Variants in PRELID2 observed in about 807,000 individuals in gnomAD.
The protein encoded by PRELID2 is PRELI domain-containing protein 2.
Under a neutral mutation model 28.4 loss-of-function variants are expected in PRELID2, and 25 were observed. The ratio of observed to expected loss-of-function variants is 0.88; its 90% CI spans 0.64 to 1.23. The LOEUF (loss-of-function observed/expected upper bound fraction) is 1.23, where lower values mean the gene tolerates loss of function less well. PRELID2 is among the 50% of genes most tolerant of loss of function. The pLI is 0.00. For synonymous variants in PRELID2, 76 were observed against 71.6 expected, an observed-to-expected ratio of 1.06 and a Z score of -0.31; for missense variants, 201 against 214.4, an observed-to-expected ratio of 0.94 and a Z score of 0.39.
At chr5:145,819,379 C>CT in intron 3 of PRELID2, 1 of 1,599,814 alleles carries the variant, frequency 6.3e-7, no homozygotes, top group Non-Finnish European at 8.6e-7. Flanking sequence ...TTCCACTCAC[C>CT]TTTTTCCAAC....
intron 1 of PRELID2, among the ~76,000 whole-genome samples, chr5:145,559,288 T>G (rs1215527346): frequency 2.7e-5 from 4 of 150,806 alleles, no homozygotes; most frequent in African/African-American, 9.7e-5. Context: ...TGGGAAATAC[T>G]GTAATAAATG....
At chr5:145,371,378 A>AT in the PRELID2 span, among the ~76,000 whole-genome samples, 1 of 151,412 alleles carries the variant, frequency 6.6e-6, no homozygotes, top group African/African-American at 2.4e-5. Flanking sequence ...TAATCATGTG[A>AT]TTTTGTCTTG....
the PRELID2 span, among the ~76,000 whole-genome samples, chr5:145,349,173 T>C: frequency 6.6e-6 from 1 of 152,188 alleles, no homozygotes; most frequent in Non-Finnish European, 1.5e-5. Context: ...TATGCTATTA[T>C]TGCCTATTTT....
chr5:145,744,259 A>G (rs961183972), intron 1 of PRELID2, among the ~76,000 whole-genome samples: 1 of 152,130 alleles, frequency 6.6e-6, no homozygotes, highest in Non-Finnish European at 1.5e-5. Context: ...AGACCAGCAG[A>G]CTTAGTCTTT....
intron 1 of PRELID2, among the ~76,000 whole-genome samples, chr5:145,524,000 T>A (rs936513727): frequency 6.6e-6 from 1 of 152,190 alleles, no homozygotes; most frequent in Admixed American, 6.5e-5. Flanking sequence ...CTAACGTCTT[T>A]AGAAATCTGT....
At chr5:145,708,490 ATTG>A (rs1294885042) in intron 1 of PRELID2, among the ~76,000 whole-genome samples, 1 of 143,144 alleles carries the variant, frequency 7.0e-6, no homozygotes, top group African/African-American at 2.8e-5. Context: ...ATCCAATTGT[ATTG>A]TTTTTTTCTT....
intron 1 of PRELID2, among the ~76,000 whole-genome samples, chr5:145,655,037 C>A (rs113579487): frequency 0.048 from 7,237 of 151,922 alleles, 582 homozygotes; most frequent in African/African-American, 0.16. Flanking sequence ...AGCTTATAGG[C>A]AACTTCAGCA....
the PRELID2 span, among the ~76,000 whole-genome samples, chr5:145,415,320 T>C: frequency 2.0e-5 from 3 of 152,028 alleles, no homozygotes; most frequent in African/African-American, 4.8e-5. Flanking sequence ...TTAGGGTACA[T>C]GTGCACAATG....
At chr5:145,525,316 G>A (rs1752597925) in intron 1 of PRELID2, among the ~76,000 whole-genome samples, 1 of 152,144 alleles carries the variant, frequency 6.6e-6, no homozygotes, top group Non-Finnish European at 1.5e-5. Context: ...GTAAATTGGG[G>A]TGAAAGAAAT....
chr5:145,785,365 T>C (rs577238236), intron 5 of PRELID2, among the ~76,000 whole-genome samples: 30 of 152,360 alleles, frequency 2.0e-4, no homozygotes, highest in Non-Finnish European at 3.2e-4. Flanking sequence ...ACAATCTTTC[T>C]AAAGGCACAG....
chr5:145,823,003 AC>A, intron 2 of PRELID2, 73 bp downstream of exon 2: 1 of 798,012 alleles, frequency 1.3e-6, no homozygotes, highest in Non-Finnish European at 2.2e-6. Context: ...GGCCACACAC[AC>A]ACGTACACAC....
chr5:145,729,867 G>C (rs1233526906), intron 1 of PRELID2, among the ~76,000 whole-genome samples: 1 of 152,172 alleles, frequency 6.6e-6, no homozygotes, highest in Non-Finnish European at 1.5e-5. Context: ...GAGTATGGAG[G>C]CTGTGAAGGC....
chr5:145,585,605 A>G lies in PRELID2; in HGVS notation n.71-112290T>C, dbSNP rs554698083. On this transcript the variant is annotated intron_variant and non_coding_transcript_variant, in intron 1 of 2. Transcript: ENST00000510259. The stretch of plus-strand genomic sequence containing the variant: ...CCATACCTCACAGGGTTATTTTGAT[A>G]CTTAAATGATAGTCATCTTAAAGTG... Among the ~76,000 whole-genome samples, 3 of 152,258 alleles carry G rather than the reference A, an allele frequency of 2.0e-5. No individual in the cohort carries two copies. The East Asian group carries it at 5.8e-4, about 29-fold the overall frequency.
chr5:145,682,697 T>C (rs143608389), intron 1 of PRELID2, among the ~76,000 whole-genome samples: 1 of 152,226 alleles, frequency 6.6e-6, no homozygotes, highest in East Asian at 1.9e-4. Flanking sequence ...GTATTCACCA[T>C]GTGGGAAGGT....
At chr5:145,233,000 G>GAT in the PRELID2 span, among the ~76,000 whole-genome samples, 23 of 150,916 alleles carry the variant, frequency 1.5e-4, no homozygotes, top group Admixed American at 6.0e-4. Context: ...TGTGTGTGGA[G>GAT]ATATATATAT....
intron 1 of PRELID2, among the ~76,000 whole-genome samples, chr5:145,743,668 G>C (rs189257525): frequency 6.6e-6 from 1 of 152,096 alleles, no homozygotes; most frequent in African/African-American, 2.4e-5. Context: ...CTTTTTCCAC[G>C]AAACTGTGCA....
At chr5:145,466,615 A>C in the PRELID2 span, among the ~76,000 whole-genome samples, 4 of 152,196 alleles carry the variant, frequency 2.6e-5, no homozygotes, top group Non-Finnish European at 2.9e-5. Flanking sequence ...TTTCCATTTT[A>C]TTTTGATATT....
At chr5:145,418,751 T>C in the PRELID2 span, among the ~76,000 whole-genome samples, 1 of 152,022 alleles carries the variant, frequency 6.6e-6, no homozygotes, top group African/African-American at 2.4e-5. Flanking sequence ...TATTATACTT[T>C]AAGTTTTAGG....
At chr5:145,818,156 G>C (rs1462000073) in intron 3 of PRELID2, 102 bp from the exon 4 acceptor site, 1 of 1,215,286 alleles carries the variant, frequency 8.2e-7, no homozygotes, top group Non-Finnish European at 1.2e-6. Context: ...AAGAGGACAA[G>C]TAATCCTGAT....
Sources: gnomAD v4.1 joint callset for allele counts (sites outside exome capture counted in the v4.1 genomes callset) on GRCh38, gnomAD v4.1.1 for gene constraint, MANE v1.5 for transcripts, NCBI Gene and HGNC (gene_info 2026-07-23, HGNC 2026-07-21) for gene names.